Variants in PPEF1 observed in about 807,000 individuals in gnomAD.
PPEF1 encodes the protein protein phosphatase with EF-hand domain 1, also known as serine/threonine-protein phosphatase with EF-hands 1.
A neutral mutation model predicts 53.3 loss-of-function variants in PPEF1; 12 were observed. That is an observed-to-expected ratio of 0.23 (90% CI 0.14 to 0.36). PPEF1 has a LOEUF of 0.36. PPEF1 is among the 10% of genes least tolerant of loss of function. The probability of loss-of-function intolerance (pLI) is 1.00; values close to 1 mark genes in which losing one functional copy is unlikely to be tolerated. For synonymous variants in PPEF1, 165 were observed against 176.7 expected, an observed-to-expected ratio of 0.93 and a Z score of 0.52; for missense variants, 334 against 490.4, an observed-to-expected ratio of 0.68 and a Z score of 3.01.
intron 11 of PPEF1, among the ~76,000 whole-genome samples, chrX:18,804,846 T>G (rs2046626594): frequency 8.9e-6 from 1 of 111,999 alleles, no homozygotes; most frequent in Admixed American, 9.5e-5. Context: ...AGTTGCTCAC[T>G]GTAGTCAGTT....
chrX:18,813,359 A>G (rs1347046486), intron 12 of PPEF1, among the ~76,000 whole-genome samples: 9 of 99,265 alleles, frequency 9.1e-5, no homozygotes, highest in Non-Finnish European at 1.8e-4. Context: ...AGCCTGGGCC[A>G]CGGAGCAAGA....
intron 3 of PPEF1, among the ~76,000 whole-genome samples, chrX:18,737,194 C>T (rs1340529626): frequency 9.0e-6 from 1 of 111,578 alleles, no homozygotes; most frequent in Non-Finnish European, 1.9e-5. Context: ...GCTCTTGCTT[C>T]TCTAGTTCTT....
chrX:18,826,417 C>CTTTTTTT lies in PPEF1; in HGVS notation c.1750+604_1750+610dup, dbSNP rs58697941. ...AAGGGCTATGAAAAGTCATTTTCTG[C>CTTTTTTT]TTTTTTTTTTTTTTTTTTTTTTTTT... On this transcript the variant is annotated intron_variant, in intron 15 of 15. Coordinates refer to ENST00000470157, the MANE Select transcript of PPEF1 (RefSeq NM_001377996.1). Among the ~76,000 whole-genome samples the CTTTTTTT allele has an allele frequency of 1.1e-3, 26 of 24,631 alleles. 5 individuals are homozygous for CTTTTTTT. Among genetic ancestry groups the CTTTTTTT allele is most frequent in the African/African-American group, 4.8e-3 (23 of 4,827 alleles). 21.4% of individuals were successfully genotyped at this position (24,631 alleles called of 115,157 possible). A position where few individuals can be genotyped will look rare whatever the true frequency, so the allele number is the denominator to read the frequency against.
intron 3 of PPEF1, among the ~76,000 whole-genome samples, chrX:18,740,119 C>T (rs1334362598): frequency 1.8e-5 from 2 of 112,284 alleles, no homozygotes; most frequent in Admixed American, 9.4e-5. Context: ...TCTGCTCACA[C>T]TCCGTGGGCT....
chrX:18,820,538 A>T (rs2047013085), intron 13 of PPEF1, among the ~76,000 whole-genome samples: 1 of 110,597 alleles, frequency 9.0e-6, no homozygotes, highest in African/African-American at 3.3e-5. Flanking sequence ...GGCGTGTGCC[A>T]CCACGCCCAG....
At chrX:18,814,384 G>A (rs1417972132) in intron 12 of PPEF1, among the ~76,000 whole-genome samples, 1 of 111,801 alleles carries the variant, frequency 8.9e-6, no homozygotes, top group African/African-American at 3.2e-5. Context: ...GTCCAAATGG[G>A]AGTTCCATTT....
intron 3 of PPEF1, among the ~76,000 whole-genome samples, chrX:18,736,103 A>G (rs2044973184): frequency 9.0e-6 from 1 of 111,346 alleles, no homozygotes; most frequent in Non-Finnish European, 1.9e-5. Context: ...CTCTTTTCCT[A>G]ATTGAATACC....
intron 6 of PPEF1, among the ~76,000 whole-genome samples, chrX:18,776,624 A>C (rs779709887): frequency 3.1e-4 from 35 of 111,972 alleles, no homozygotes; most frequent in African/African-American, 1.1e-3. Flanking sequence ...GAATTAATAC[A>C]TAAGAAAATA....
rs2045711675 is a variant in PPEF1 at position 18,763,673 on chromosome X, GATAAA to G, written c.558+2102_558+2106del. On this transcript the variant is annotated intron_variant, in intron 6 of 15. Transcript: ENST00000470157. ...CCACCCCATAAGAGGTTGTATTCTGGATAAAATAAGTATCCAAAAGCATTTTTAAA... is the reference window on the plus strand; with the variant it reads ...CCACCCCATAAGAGGTTGTATTCTGGATAAGTATCCAAAAGCATTTTTAAA... Among the ~76,000 whole-genome samples the G allele has an allele frequency of 3.6e-5, 4 of 111,197 alleles. No homozygotes were observed. In the South Asian group the frequency reaches 1.5e-3, roughly 43 times the overall value.
intron 5 of PPEF1, among the ~76,000 whole-genome samples, chrX:18,760,207 G>C (rs1276716996): frequency 1.8e-5 from 2 of 110,971 alleles, no homozygotes; most frequent in Non-Finnish European, 3.8e-5. Context: ...GGCTGGCCTT[G>C]AACTCCTGGC....
At chrX:18,803,100 C>T (rs1290165961) in intron 10 of PPEF1, among the ~76,000 whole-genome samples, 1 of 111,715 alleles carries the variant, frequency 9.0e-6, no homozygotes, top group East Asian at 2.8e-4. Context: ...CAGATTTACC[C>T]ACGTATTTAT....
At chrX:18,815,906 T>TA (rs202186343) in intron 12 of PPEF1, among the ~76,000 whole-genome samples, 25 of 100,546 alleles carry the variant, frequency 2.5e-4, no homozygotes, top group Admixed American at 1.0e-3. Context: ...TTTATTTATT[T>TA]TTTTTTTTTT....
chrX:18,797,104 C>G (rs908400019), intron 10 of PPEF1, among the ~76,000 whole-genome samples: 22 of 111,472 alleles, frequency 2.0e-4, no homozygotes, highest in Admixed American at 1.5e-3. Flanking sequence ...GGGCCAGAAC[C>G]TCATTTCTGA....
At chrX:18,743,632 T>A (rs2045253413) in intron 3 of PPEF1, among the ~76,000 whole-genome samples, 1 of 108,293 alleles carries the variant, frequency 9.2e-6, no homozygotes, top group African/African-American at 3.4e-5. Context: ...GCATTTTTAG[T>A]AGAAATGGGT....
chrX:18,713,765 T>C (rs2044380453), intron 1 of PPEF1, among the ~76,000 whole-genome samples: 2 of 111,915 alleles, frequency 1.8e-5, no homozygotes, highest in Non-Finnish European at 1.9e-5. Context: ...CTTCAATGTA[T>C]TTTTTGTATA....
intron 15 of PPEF1, among the ~76,000 whole-genome samples, chrX:18,826,876 A>G (rs2147774935): frequency 9.1e-6 from 1 of 110,389 alleles, no homozygotes; most frequent in South Asian, 3.9e-4. Flanking sequence ...TGAAAAAGGC[A>G]GCACCATTGT....
At chrX:18,807,704 G>A (rs1347622250) in intron 12 of PPEF1, among the ~76,000 whole-genome samples, 1 of 111,817 alleles carries the variant, frequency 8.9e-6, no homozygotes, top group Non-Finnish European at 1.9e-5. Context: ...CTGTTGCCCA[G>A]GCTGGAGTGC....
At chrX:18,709,851 G>A (rs773115571) in intron 1 of PPEF1, among the ~76,000 whole-genome samples, 1 of 111,722 alleles carries the variant, frequency 9.0e-6, no homozygotes, top group East Asian at 2.8e-4. Flanking sequence ...TATGTTTTCC[G>A]TTCTCTTGGG....
chrX:18,728,881 A>T (rs1482491617), intron 1 of PPEF1, among the ~76,000 whole-genome samples: 5 of 112,006 alleles, frequency 4.5e-5, no homozygotes, highest in Non-Finnish European at 9.4e-5. Context: ...TTTATGCACC[A>T]ACTGGGAAAA....
Sources: allele counts gnomAD v4.1 joint callset (sites outside exome capture counted in the v4.1 genomes callset), GRCh38; gene constraint gnomAD v4.1.1; transcripts MANE v1.5; gene names NCBI Gene and HGNC (gene_info 2026-07-23, HGNC 2026-07-21).